The following WWOX variants were observed in gnomAD, a reference collection of about 807,000 sequenced individuals.
WWOX encodes the protein WW domain-containing oxidoreductase.
Under a neutral mutation model 46.2 loss-of-function variants are expected in WWOX, and 69 were observed. That is an observed-to-expected ratio of 1.49 (90% CI 1.23 to 1.82). WWOX has a LOEUF of 1.82. WWOX is among the 40% of genes most tolerant of loss of function. WWOX has a pLI of 0.00. For synonymous variants in WWOX, 359 were observed against 202.6 expected, an observed-to-expected ratio of 1.77 and a Z score of -6.56; for missense variants, 919 against 542.6, an observed-to-expected ratio of 1.69 and a Z score of -6.89.
At position 78,701,585 on chromosome 16, in the gene WWOX, A is replaced by G. The variant is rs190691660; in HGVS notation, c.1056+268833A>G. ...AGCCTCCCCCCGATATACTCAACAT[A>G]TATCTCCCTCTCCCTCCACCCACCT... On this transcript the variant is annotated intron_variant, in intron 8 of 8. Transcript: ENST00000566780. Among the ~76,000 whole-genome samples the G allele has an allele frequency of 4.6e-5, 7 of 151,596 alleles. No homozygotes were observed. In the East Asian group the frequency reaches 9.8e-4, roughly 21 times the overall value.
chr16:78,440,127 G>A (rs1285292793), intron 8 of WWOX, among the ~76,000 whole-genome samples: 1 of 152,148 alleles, frequency 6.6e-6, no homozygotes, highest in African/African-American at 2.4e-5. Flanking sequence ...ATAGGGTAAT[G>A]GTGTTGACAC....
At chr16:78,334,856 A>AC (rs2080848380) in intron 5 of WWOX, among the ~76,000 whole-genome samples, 4 of 147,726 alleles carry the variant, frequency 2.7e-5, no homozygotes, top group African/African-American at 5.1e-5. Context: ...ACACACACAC[A>AC]AAATCACCAA....
intron 5 of WWOX, among the ~76,000 whole-genome samples, chr16:78,324,431 C>T (rs926004835): frequency 1.3e-5 from 2 of 152,004 alleles, no homozygotes; most frequent in African/African-American, 4.8e-5. Flanking sequence ...CAATTCCACT[C>T]CTAGGTACGT....
intron 5 of WWOX, among the ~76,000 whole-genome samples, chr16:78,287,948 A>G (rs2079796573): frequency 6.6e-6 from 1 of 152,174 alleles, no homozygotes; most frequent in Non-Finnish European, 1.5e-5. Context: ...CCCTTTTATC[A>G]GGTCGCTCAA....
intron 8 of WWOX, among the ~76,000 whole-genome samples, chr16:78,545,608 T>C (rs2044010872): frequency 1.3e-5 from 2 of 152,220 alleles, no homozygotes; most frequent in African/African-American, 2.4e-5. Context: ...ATAGTCATGG[T>C]TGGCGATTAA....
At chr16:79,074,716 C>G (rs2048621914) in intron 8 of WWOX, among the ~76,000 whole-genome samples, 1 of 151,960 alleles carries the variant, frequency 6.6e-6, no homozygotes, top group Non-Finnish European at 1.5e-5. Context: ...TCCTCTTCTT[C>G]CCTCTACAAA....
chr16:78,270,447 C>G (rs12929555), intron 5 of WWOX: 36,771 of 152,144 alleles, frequency 0.24, 5,551 homozygotes, highest in African/African-American at 0.41. Context: ...GTTGGGGTTT[C>G]TAAGCTTGGG....
intron 5 of WWOX, among the ~76,000 whole-genome samples, chr16:78,182,174 G>C (rs1280311579): frequency 1.3e-5 from 2 of 152,150 alleles, no homozygotes; most frequent in Non-Finnish European, 2.9e-5. Flanking sequence ...CTGTAACTTG[G>C]GGATGATGAC....
intron 8 of WWOX, chr16:79,105,978 T>C (rs1338035671): frequency 1.3e-5 from 2 of 152,240 alleles, no homozygotes; most frequent in Non-Finnish European, 2.9e-5. Context: ...GGGCCAGGAA[T>C]ATCTTTCTAT....
chr16:78,234,544 C>G (rs574929108), intron 5 of WWOX, among the ~76,000 whole-genome samples: 1 of 151,766 alleles, frequency 6.6e-6, no homozygotes, highest in Non-Finnish European at 1.5e-5. Context: ...TTCAAAGCAT[C>G]GAAAAAGGGT....
chr16:78,867,484 TTGTGTG>T (rs4035599), intron 8 of WWOX, among the ~76,000 whole-genome samples: 4,983 of 148,972 alleles, frequency 0.033, 284 homozygotes, highest in African/African-American at 0.12. Flanking sequence ...TTAAATGATT[TTGTGTG>T]TGTGTGTGTG....
At chr16:78,801,523 C>T (rs1044358423) in intron 8 of WWOX, among the ~76,000 whole-genome samples, 11 of 152,110 alleles carry the variant, frequency 7.2e-5, no homozygotes, top group South Asian at 2.1e-4. Flanking sequence ...ATAAAGAAAC[C>T]CTTGCTATTT....
chr16:78,587,694 C>G (rs1050438533), intron 8 of WWOX, among the ~76,000 whole-genome samples: 1 of 152,022 alleles, frequency 6.6e-6, no homozygotes, highest in Non-Finnish European at 1.5e-5. Context: ...TAGGGAGGTG[C>G]TTGATGGCTT....
At chr16:78,929,194 T>C (rs976393406) in intron 8 of WWOX, among the ~76,000 whole-genome samples, 1 of 152,144 alleles carries the variant, frequency 6.6e-6, no homozygotes, top group Admixed American at 6.5e-5. Flanking sequence ...GAAGTGTAAA[T>C]ATTCGAATTA....
At chr16:79,108,989 TCC>T (rs528997779) in intron 8 of WWOX, among the ~76,000 whole-genome samples, 8 of 151,868 alleles carry the variant, frequency 5.3e-5, no homozygotes, top group Non-Finnish European at 8.8e-5. Context: ...ATCCTTCTTC[TCC>T]CCATCAGCCT....
chr16:78,410,197 C>G (rs1036101632), intron 6 of WWOX, among the ~76,000 whole-genome samples: 1 of 152,176 alleles, frequency 6.6e-6, no homozygotes, highest in African/African-American at 2.4e-5. Flanking sequence ...GAGGCCTCAC[C>G]GGAAGCCAAG....
At chr16:78,771,972 T>C (rs2050075689) in intron 8 of WWOX, among the ~76,000 whole-genome samples, 1 of 152,228 alleles carries the variant, frequency 6.6e-6, no homozygotes, top group South Asian at 2.1e-4. Flanking sequence ...CCTCTCAGTG[T>C]ATTTTACCAA....
intron 8 of WWOX, among the ~76,000 whole-genome samples, chr16:78,916,890 G>T (rs1267997101): frequency 6.6e-6 from 1 of 152,162 alleles, no homozygotes; most frequent in Non-Finnish European, 1.5e-5. Context: ...TTAATTAACT[G>T]AAAGATATAG....
intron 8 of WWOX, among the ~76,000 whole-genome samples, chr16:79,155,066 G>A (rs956910002): frequency 6.6e-6 from 1 of 152,220 alleles, no homozygotes; most frequent in Admixed American, 6.5e-5. Context: ...TTCTACAGCA[G>A]GCACTGGCAA....
Sources: allele counts gnomAD v4.1 joint callset (sites outside exome capture counted in the v4.1 genomes callset), GRCh38; gene constraint gnomAD v4.1.1; transcripts MANE v1.5; gene names NCBI Gene and HGNC (gene_info 2026-07-23, HGNC 2026-07-21).